Variants in ANG observed in about 807,000 individuals in gnomAD.
ANG encodes Homo sapiens epididymis luminal protein 168.
For missense variants in ANG, 178 were observed against 187.4 expected (o/e 0.95, Z 0.29); for synonymous variants, 74 against 73.8 (o/e 1.00, Z -0.02).
chr14:20,687,625 TGCTGTTTGTTCTTG>T (rs1388357729), upstream of ANG, among the ~76,000 whole-genome samples: 3 of 152,366 alleles, frequency 2.0e-5, no homozygotes, highest in South Asian at 6.2e-4. Flanking sequence ...ACCATTCATC[TGCTGTTTGTTCTTG>T]GAGTTTCCTC....
intron 1 of ANG, among the ~76,000 whole-genome samples, chr14:20,692,896 G>T (rs1886845269): frequency 6.6e-6 from 1 of 152,026 alleles, no homozygotes; most frequent in Admixed American, 6.5e-5. Context: ...CGCCAAGGCT[G>T]GAGTGCAGTG....
chr14:20,689,584 C>G (rs921223470), intron 1 of ANG, among the ~76,000 whole-genome samples: 1 of 152,128 alleles, frequency 6.6e-6, no homozygotes, highest in Non-Finnish European at 1.5e-5. Context: ...CTTGTGAATA[C>G]TAACAGATTC....
At chr14:20,685,592 C>T (rs962877196), upstream of ANG, among the ~76,000 whole-genome samples, 1 of 152,132 alleles carries the variant, frequency 6.6e-6, no homozygotes, top group Non-Finnish European at 1.5e-5. Context: ...TTATTACATA[C>T]GCTTCAATTC....
At chr14:20,693,069 G>C (rs111700190) in intron 1 of ANG, among the ~76,000 whole-genome samples, 6,032 of 151,654 alleles carry the variant, frequency 0.04, 160 homozygotes, top group Non-Finnish European at 0.058. Flanking sequence ...GGATGGTCTC[G>C]ATCTCCTGAC....
chr14:20,686,193 A>T (rs72659976), upstream of ANG, among the ~76,000 whole-genome samples: 5,462 of 152,002 alleles, frequency 0.036, 131 homozygotes, highest in Middle Eastern at 0.099. Context: ...GGCCCCTCCC[A>T]CTCTTGTTCT....
chr14:20,693,518 T>C, intron 1 of ANG, 29 bp from the exon 2 acceptor site: 1 of 1,606,590 alleles, frequency 6.2e-7, no homozygotes, highest in Non-Finnish European at 8.5e-7. Context: ...TGTTCTTGGG[T>C]CTACCACACC....
intron 1 of ANG, among the ~76,000 whole-genome samples, chr14:20,690,197 G>C (rs1388016508): frequency 8.1e-6 from 1 of 123,180 alleles, no homozygotes; most frequent in African/African-American, 3.1e-5. Flanking sequence ...AGTCCGGCCT[G>C]GGCGACAGAG....
At position 20,693,681 on chromosome 14, in the gene ANG, T is replaced by TCA; in HGVS notation, c.117_118insCA (p.Ala40GlnfsTer16). 3 of 1,614,146 alleles carry TCA rather than the reference T, an allele frequency of 1.9e-6. No individual in the cohort carries two copies. Among genetic ancestry groups the TCA allele is most frequent in the Non-Finnish European group, 1.7e-6 (2 of 1,180,030 alleles). On this transcript the variant is annotated frameshift_variant, in exon 2 of 2. Transcript: ENST00000397990. LOFTEE classifies it low-confidence loss of function (END_TRUNC). ...CACACTTCCTGACCCAGCACTATGA[T>TCA]GCCAAACCACAGGGCCGGGATGACA...
upstream of ANG, among the ~76,000 whole-genome samples, chr14:20,686,699 T>C (rs1199870014): frequency 1.3e-5 from 2 of 152,240 alleles, no homozygotes; most frequent in African/African-American, 4.8e-5. Context: ...CAATCAGTAG[T>C]GTTGCCTCTT....
At chr14:20,684,238 A>G (rs539781807), upstream of ANG, 1 of 152,270 alleles carries the variant, frequency 6.6e-6, no homozygotes. Context: ...GACCAGTGTC[A>G]AGACCAAGTT....
chr14:20,692,814 C>T (rs904892953), intron 1 of ANG, among the ~76,000 whole-genome samples: 1 of 152,172 alleles, frequency 6.6e-6, no homozygotes, highest in African/African-American at 2.4e-5. Context: ...CCATGGATGC[C>T]TCATTTCCTA....
chr14:20,692,082 G>A (rs1039955131), intron 1 of ANG, among the ~76,000 whole-genome samples: 2 of 152,096 alleles, frequency 1.3e-5, no homozygotes, highest in African/African-American at 4.8e-5. Context: ...CACAAGAGAA[G>A]CACAAAATAA....
chr14:20,690,332 C>T (rs1886679104), intron 1 of ANG, among the ~76,000 whole-genome samples: 1 of 150,772 alleles, frequency 6.6e-6, no homozygotes, highest in Non-Finnish European at 1.5e-5. Context: ...TGTTTGGGTA[C>T]AGAAGGATAT....
chr14:20,693,523 C>G (rs938508348), intron 1 of ANG, 24 bp from the exon 2 acceptor site: 1 of 1,607,502 alleles, frequency 6.2e-7, no homozygotes, highest in Non-Finnish European at 8.5e-7. Flanking sequence ...TTGGGTCTAC[C>G]ACACCTCCTT....
At chr14:20,686,807 A>G (rs1338393514), upstream of ANG, among the ~76,000 whole-genome samples, 2 of 152,254 alleles carry the variant, frequency 1.3e-5, no homozygotes, top group Non-Finnish European at 2.9e-5. Flanking sequence ...AAAGTGTTAG[A>G]ATAATAAAGA....
chr14:20,692,934 G>A (rs901863681), intron 1 of ANG, among the ~76,000 whole-genome samples: 4 of 151,960 alleles, frequency 2.6e-5, no homozygotes, highest in Non-Finnish European at 5.9e-5. Flanking sequence ...TGCAAGCTCC[G>A]CCTCCCGGGT....
At chr14:20,684,373 G>T (rs545059182), upstream of ANG, 2 of 152,308 alleles carry the variant, frequency 1.3e-5, no homozygotes, top group African/African-American at 4.8e-5. Flanking sequence ...GCTGCCCGTT[G>T]GGGTCCAGCT....
At chr14:20,684,663 G>C (rs1439809161), upstream of ANG, 4 of 152,318 alleles carry the variant, frequency 2.6e-5, no homozygotes, top group Non-Finnish European at 5.9e-5. Flanking sequence ...TTTTCTACCG[G>C]CTCCCCATCA....
Position 20,693,934 on chromosome 14 carries a change from T to A in ANG, c.370T>A (p.Phe124Ile), listed in dbSNP as rs373324416. 2.3e-5 allele frequency: 37 copies of A among 1,613,846 alleles called. 1 individual carries two copies. Among genetic ancestry groups the A allele is most frequent in the Non-Finnish European group, 3.0e-5 (35 of 1,180,012 alleles). The change falls in exon 2 of 2, where the codon TTC becomes ATC. Residue 124 changes from phenylalanine to isoleucine, a missense_variant. Phe to Ile is a conservative substitution (Grantham distance 21). Transcript: ENST00000397990. ...PPCQYRATAGFRNVVVACENG... is the reference protein window; with the variant it reads ...PPCQYRATAGIRNVVVACENG... ...ATGCCAGTACCGAGCCACAGCGGGGTTCAGAAACGTTGTTGTTGCTTGTGA... is the reference window on the plus strand; with the variant it reads ...ATGCCAGTACCGAGCCACAGCGGGGATCAGAAACGTTGTTGTTGCTTGTGA...
Sources: gnomAD v4.1 joint callset for allele counts (sites outside exome capture counted in the v4.1 genomes callset) on GRCh38, gnomAD v4.1.1 for gene constraint, MANE v1.5 for transcripts, NCBI Gene and HGNC (gene_info 2026-07-23, HGNC 2026-07-21) for gene names.